Variants in DCDC2C observed in about 807,000 individuals in gnomAD.
DCDC2C encodes the protein doublecortin domain-containing protein 2C.
In DCDC2C, 44 loss-of-function variants were observed where a neutral mutation model predicts 45.0. The observed-to-expected ratio is 0.98, with a 90% confidence interval of 0.77 to 1.26. The LOEUF is 1.26. DCDC2C is among the 50% of genes most tolerant of loss of function. The probability of loss-of-function intolerance (pLI) is 0.00; values close to 1 mark genes in which losing one functional copy is unlikely to be tolerated. For synonymous variants in DCDC2C, 187 were observed against 178.8 expected, an observed-to-expected ratio of 1.05 and a Z score of -0.37; for missense variants, 447 against 468.9, an observed-to-expected ratio of 0.95 and a Z score of 0.43.
chr2:3,736,548 G>A (rs772983995), intron 3 of DCDC2C, among the ~76,000 whole-genome samples: 33 of 152,156 alleles, frequency 2.2e-4, no homozygotes, highest in Non-Finnish European at 4.6e-4. Flanking sequence ...GTGATTTTGT[G>A]ATGAGCAGAG....
At chr2:3,843,480 G>T (rs183150217) in intron 10 of DCDC2C, among the ~76,000 whole-genome samples, 18 of 152,282 alleles carry the variant, frequency 1.2e-4, no homozygotes, top group Admixed American at 5.2e-4. Context: ...TATTTCAAAT[G>T]GTTTTGTTTT....
At chr2:3,767,690 C>T in intron 6 of DCDC2C, 64 bp from the exon 7 acceptor site, 2 of 1,529,786 alleles carry the variant, frequency 1.3e-6, no homozygotes, top group Non-Finnish European at 1.8e-6. Context: ...ACCCAGAGAA[C>T]CTGATCGGAC....
In DCDC2C at chr2:3,752,717, A is replaced by G. The variant is rs925285125; in HGVS notation, c.546-46A>G. ...GCACAAATACCCCAAGCCCTATGCTACTGGTCCTCAAGTCTCTATCTCATT... is the reference window on the plus strand; with the variant it reads ...GCACAAATACCCCAAGCCCTATGCTGCTGGTCCTCAAGTCTCTATCTCATT... On this transcript the variant is annotated intron_variant, in intron 4 of 10. Transcript: ENST00000399143. The G allele has an allele frequency of 3.9e-6, 6 of 1,545,922 alleles. No homozygotes were observed. In the African/African-American group the frequency reaches 6.9e-5, roughly 18 times the overall value.
chr2:3,771,182 G>T (rs1042413278), intron 8 of DCDC2C, among the ~76,000 whole-genome samples: 1 of 152,252 alleles, frequency 6.6e-6, no homozygotes, highest in Non-Finnish European at 1.5e-5. Context: ...AAGAGCGGCT[G>T]TCAGCTGGGA....
intron 6 of DCDC2C, among the ~76,000 whole-genome samples, chr2:3,766,027 C>T (rs575083228): frequency 7.2e-5 from 11 of 152,246 alleles, no homozygotes; most frequent in African/African-American, 2.6e-4. Context: ...CATGGTGCCT[C>T]CTGTTTGCCC....
At chr2:3,752,549 A>C (rs758499390) in intron 4 of DCDC2C, 5 of 653,196 alleles carry the variant, frequency 7.7e-6, no homozygotes, top group South Asian at 7.6e-5. Context: ...AATACACTTT[A>C]ATTAAAAAAT....
At chr2:3,743,260 A>G (rs1431181647) in intron 4 of DCDC2C, among the ~76,000 whole-genome samples, 1 of 152,226 alleles carries the variant, frequency 6.6e-6, no homozygotes, top group African/African-American at 2.4e-5. Flanking sequence ...TATAATATGC[A>G]AGTATTACCA....
At chr2:3,827,132 G>C (rs1671842734) in intron 10 of DCDC2C, among the ~76,000 whole-genome samples, 1 of 152,222 alleles carries the variant, frequency 6.6e-6, no homozygotes. Context: ...ACCCATCACA[G>C]TGGTTGACAT....
At chr2:3,771,103 G>A (rs550416236) in intron 8 of DCDC2C, among the ~76,000 whole-genome samples, 1 of 152,380 alleles carries the variant, frequency 6.6e-6, no homozygotes, top group South Asian at 2.1e-4. Context: ...CTGTGGATAG[G>A]AAGACCCCCT....
At position 3,778,838 on chromosome 2, in the gene DCDC2C, A is replaced by C; in HGVS notation, c.977A>C (p.Glu326Ala). The change falls in exon 9 of 11, where the codon GAA becomes GCA. Residue 326 changes from glutamate (E) to alanine (A), a missense_variant. Coordinates refer to ENST00000399143, the MANE Select transcript of DCDC2C (RefSeq NM_001287444.2). ...CAGAGACAAGCTGAGATAGTTAAAG[A>C]AGATGAAGAGATACATGAGAACACC... is the stretch of plus-strand genomic sequence containing the variant. ...VDQRQAEIVK[E>A]DEEIHENTPD... 1 of 1,551,100 alleles carries C rather than the reference A, an allele frequency of 6.4e-7. No individual in the cohort carries two copies. The highest frequency in any genetic ancestry group is 8.7e-7 in the Non-Finnish European group (1 of 1,147,114).
chr2:3,745,876 ATT>A (rs200784470), intron 4 of DCDC2C, among the ~76,000 whole-genome samples: 32 of 142,080 alleles, frequency 2.3e-4, no homozygotes, highest in Middle Eastern at 3.6e-3. Context: ...CTCATGACTA[ATT>A]TTTTTTTTTT....
chr2:3,765,524 T>C (rs1669987240), intron 6 of DCDC2C, among the ~76,000 whole-genome samples: 1 of 152,188 alleles, frequency 6.6e-6, no homozygotes, highest in Admixed American at 6.5e-5. Context: ...AGATCATGAA[T>C]ACCACTGTGC....
intron 3 of DCDC2C, 134 bp downstream of exon 3, chr2:3,727,213 T>C (rs1215733540): frequency 1.5e-6 from 1 of 671,558 alleles, no homozygotes. Context: ...TCTCTTGTGC[T>C]CTCACTTCCT....
At chr2:3,829,301 G>A (rs1477374046) in intron 10 of DCDC2C, among the ~76,000 whole-genome samples, 1 of 64,652 alleles carries the variant, frequency 1.5e-5, no homozygotes, top group Non-Finnish European at 3.3e-5. Context: ...TTTTTTTTTT[G>A]CATTGATTTT....
intron 10 of DCDC2C, among the ~76,000 whole-genome samples, chr2:3,791,972 C>T (rs1411326889): frequency 7.0e-6 from 1 of 143,848 alleles, no homozygotes; most frequent in East Asian, 2.3e-4. Context: ...TAGCCTTTGG[C>T]CATTCATTTA....
intron 10 of DCDC2C, among the ~76,000 whole-genome samples, chr2:3,799,809 T>G (rs1671064570): frequency 6.6e-6 from 1 of 152,286 alleles, no homozygotes; most frequent in South Asian, 2.1e-4. Flanking sequence ...CAGAGGTTAC[T>G]GCTGTCTTTT....
intron 4 of DCDC2C, among the ~76,000 whole-genome samples, chr2:3,744,112 C>T (rs1015424938): frequency 4.6e-5 from 7 of 152,244 alleles, no homozygotes; most frequent in Admixed American, 1.3e-4. Flanking sequence ...GGGTTGAGAG[C>T]CCTGCTGGAC....
At chr2:3,792,864 T>C (rs769924159) in intron 10 of DCDC2C, among the ~76,000 whole-genome samples, 4 of 152,232 alleles carry the variant, frequency 2.6e-5, no homozygotes, top group Non-Finnish European at 5.9e-5. Context: ...ACACTTTGAA[T>C]TGACAAATGA....
chr2:3,705,894 T>C (rs957348147), intron 1 of DCDC2C, among the ~76,000 whole-genome samples: 19 of 152,230 alleles, frequency 1.2e-4, no homozygotes, highest in Admixed American at 1.1e-3. Context: ...TTGGGGTCCG[T>C]GTGGCAGACA....
Sources: gnomAD v4.1 joint callset for allele counts (sites outside exome capture counted in the v4.1 genomes callset) on GRCh38, gnomAD v4.1.1 for gene constraint, MANE v1.5 for transcripts, NCBI Gene and HGNC (gene_info 2026-07-23, HGNC 2026-07-21) for gene names.